Variants in RASGRF1 observed in about 807,000 individuals in gnomAD.
RASGRF1 encodes the protein Ras protein specific guanine nucleotide releasing factor 1.
A neutral mutation model predicts 138.7 loss-of-function variants in RASGRF1; 40 were observed. That is an observed-to-expected ratio of 0.29 (90% CI 0.22 to 0.38). RASGRF1 has a LOEUF of 0.38. Ranked by LOEUF, RASGRF1 falls within the 10% of genes least tolerant of loss-of-function variation. RASGRF1 has a pLI of 1.00. For synonymous variants in RASGRF1, 614 were observed against 663.2 expected (o/e 0.93, Z 1.14); for missense variants, 1,108 against 1,650.4 (o/e 0.67, Z 5.69).
At chr15:79,009,203 C>T (rs2056744581) in intron 13 of RASGRF1, among the ~76,000 whole-genome samples, 1 of 152,222 alleles carries the variant, frequency 6.6e-6, no homozygotes, top group Admixed American at 6.5e-5. Context: ...CTGCTGGCCT[C>T]CGTCTACAGT....
intron 1 of RASGRF1, among the ~76,000 whole-genome samples, chr15:79,086,708 T>C (rs148187835): frequency 6.6e-6 from 1 of 151,912 alleles, no homozygotes; most frequent in African/African-American, 2.4e-5. Flanking sequence ...CCCTTCCTGG[T>C]TGGGAAGAGT....
chr15:78,997,596 C>T (rs1007631536), intron 19 of RASGRF1, among the ~76,000 whole-genome samples: 3 of 151,842 alleles, frequency 2.0e-5, no homozygotes, highest in East Asian at 1.9e-4. Context: ...ATTAGCTGGG[C>T]GTGGTGGCAG....
intron 4 of RASGRF1, among the ~76,000 whole-genome samples, chr15:79,048,903 G>A (rs770546859): frequency 3.9e-5 from 6 of 152,148 alleles, no homozygotes; most frequent in African/African-American, 4.8e-5. Context: ...CACAGCCCAC[G>A]CTCCTTCCCT....
At chr15:79,024,568 G>C (rs572018723) in intron 10 of RASGRF1, among the ~76,000 whole-genome samples, 1 of 152,276 alleles carries the variant, frequency 6.6e-6, no homozygotes, top group South Asian at 2.1e-4. Context: ...CCAGTGGGAG[G>C]TAATTGAATC....
chr15:79,075,126 G>A (rs886602766), intron 1 of RASGRF1, among the ~76,000 whole-genome samples: 2 of 152,194 alleles, frequency 1.3e-5, no homozygotes, highest in Non-Finnish European at 2.9e-5. Context: ...GCATCCCCGG[G>A]TGATTCCAAT....
chr15:79,087,791 G>A (rs976766769), intron 1 of RASGRF1, among the ~76,000 whole-genome samples: 9 of 152,234 alleles, frequency 5.9e-5, no homozygotes, highest in Admixed American at 2.0e-4. Flanking sequence ...GCAGGATCTA[G>A]TTTTCCACAG....
chr15:79,001,902 G>A (rs2056536938), intron 15 of RASGRF1, 115 bp from the exon 16 acceptor site: 2 of 707,218 alleles, frequency 2.8e-6, no homozygotes, highest in African/African-American at 1.9e-5. Flanking sequence ...GTAAACTTGG[G>A]ATACAGCCAC....
chr15:79,021,496 G>A (rs951887401), intron 10 of RASGRF1, among the ~76,000 whole-genome samples: 1 of 152,206 alleles, frequency 6.6e-6, no homozygotes, highest in African/African-American at 2.4e-5. Context: ...GCCCCATCTA[G>A]CTCTGACATT....
intron 2 of RASGRF1, among the ~76,000 whole-genome samples, chr15:79,061,021 G>A (rs1250061633): frequency 3.3e-5 from 5 of 152,158 alleles, no homozygotes; most frequent in Admixed American, 3.3e-4. Flanking sequence ...GTTGTAGAAG[G>A]GGCAGTGAGA....
At chr15:79,086,459 G>C (rs1350178386) in intron 1 of RASGRF1, among the ~76,000 whole-genome samples, 1 of 152,084 alleles carries the variant, frequency 6.6e-6, no homozygotes, top group African/African-American at 2.4e-5. Context: ...CGGGGCTGTT[G>C]TTGATCTGAA....
At chr15:79,057,651 G>A (rs1189032481) in intron 3 of RASGRF1, among the ~76,000 whole-genome samples, 2 of 152,204 alleles carry the variant, frequency 1.3e-5, no homozygotes, top group Non-Finnish European at 2.9e-5. Context: ...TGCTTCCTAA[G>A]GTTTAATGTA....
At chr15:79,072,784 A>C (rs957297474) in intron 1 of RASGRF1, among the ~76,000 whole-genome samples, 4 of 152,196 alleles carry the variant, frequency 2.6e-5, no homozygotes, top group Non-Finnish European at 5.9e-5. Context: ...AAAGCTGCAG[A>C]GTAAAAACCA....
chr15:79,086,342 A>G (rs1478809493), intron 1 of RASGRF1, among the ~76,000 whole-genome samples: 2 of 152,224 alleles, frequency 1.3e-5, no homozygotes, highest in African/African-American at 4.8e-5. Flanking sequence ...CAGAATAGCT[A>G]CAGAGTGAGA....
At chr15:78,994,715 C>G (rs573921693) in intron 20 of RASGRF1, among the ~76,000 whole-genome samples, 1 of 152,272 alleles carries the variant, frequency 6.6e-6, no homozygotes, top group East Asian at 1.9e-4. Context: ...TGGATTTGTT[C>G]ATGGTGAGCA....
Position 79,027,792 on chromosome 15 carries a change from T to G in RASGRF1, c.1330A>C (p.Ile444Leu). ...TCCAGGAGGATCTCACAGCCTTCGA[T>G]GATCATGCGCTCGATGGCCAGGTTT... Reference protein sequence around the residue: ...RKNLAIERMIIEGCEILLDTS... With the variant: ...RKNLAIERMILEGCEILLDTS... The change falls in exon 9 of 27, where the codon ATC becomes CTC. Residue 444 changes from isoleucine (I) to leucine (L), a missense_variant. Transcript: ENST00000558480. The surrounding 1 kb of genome is among the most constrained non-coding windows in gnomAD (Gnocchi z 4.8). 6.2e-7 allele frequency: 1 copy of G among 1,614,252 alleles called. No homozygotes were observed. Among genetic ancestry groups the G allele is most frequent in the Non-Finnish European group, 8.5e-7 (1 of 1,180,048 alleles).
At chr15:79,067,164 G>A (rs1470766497) in intron 1 of RASGRF1, among the ~76,000 whole-genome samples, 21 of 152,134 alleles carry the variant, frequency 1.4e-4, no homozygotes, top group Admixed American at 1.4e-3. Context: ...CGGGACAAGC[G>A]TGACCCAGAA....
At chr15:78,976,060 G>A (rs1020857960) in intron 24 of RASGRF1, among the ~76,000 whole-genome samples, 3 of 152,156 alleles carry the variant, frequency 2.0e-5, no homozygotes, top group African/African-American at 7.2e-5. Flanking sequence ...CAAGCTGACT[G>A]CAAATGACCA....
intron 13 of RASGRF1, among the ~76,000 whole-genome samples, chr15:79,011,822 C>T (rs372260647): frequency 2.9e-4 from 44 of 152,286 alleles, no homozygotes; most frequent in African/African-American, 6.5e-4. Flanking sequence ...GCTATCTCAT[C>T]GCCTTTCCCT....
intron 3 of RASGRF1, among the ~76,000 whole-genome samples, chr15:79,056,289 T>G (rs1410182278): frequency 6.6e-6 from 1 of 152,178 alleles, no homozygotes; most frequent in Non-Finnish European, 1.5e-5. Flanking sequence ...TGAATGACAC[T>G]TGGACACTCT....
Sources: gnomAD v4.1 joint callset for allele counts (sites outside exome capture counted in the v4.1 genomes callset) on GRCh38, gnomAD v4.1.1 for gene constraint, Gnocchi (gnomAD v3.1) non-coding constraint, MANE v1.5 for transcripts, NCBI Gene and HGNC (gene_info 2026-07-23, HGNC 2026-07-21) for gene names.